ATP2B2: variants seen among roughly 807,000 people sequenced by gnomAD.
The protein encoded by ATP2B2 is plasma membrane calcium-transporting ATPase 2.
A neutral mutation model predicts 120.0 loss-of-function variants in ATP2B2; 15 were observed. The ratio of observed to expected loss-of-function variants is 0.12; its 90% CI spans 0.08 to 0.19. The LOEUF (loss-of-function observed/expected upper bound fraction) is 0.19. Among genes scored for constraint, ATP2B2 ranks in the 10% least tolerant of loss-of-function variants. The pLI, the probability that ATP2B2 is intolerant of heterozygous loss-of-function variation, is 1.00. For missense variants in ATP2B2, 1,045 were observed against 1,719.8 expected (o/e 0.61, Z 6.94); for synonymous variants, 694 against 700.3 (o/e 0.99, Z 0.14).
At chr3:10,653,393 G>T (rs1299410627) in intron 1 of ATP2B2, among the ~76,000 whole-genome samples, 3 of 152,152 alleles carry the variant, frequency 2.0e-5, no homozygotes, top group African/African-American at 7.2e-5. Flanking sequence ...AGAGTCCAAA[G>T]GACTCAACCA....
intron 1 of ATP2B2, among the ~76,000 whole-genome samples, chr3:10,636,027 G>A (rs980539174): frequency 1.2e-4 from 19 of 152,180 alleles, no homozygotes; most frequent in African/African-American, 4.1e-4. Context: ...TGGCAGCCTG[G>A]AGACCTCTTA....
chr3:10,616,051 C>T (rs1445605483), intron 2 of ATP2B2, among the ~76,000 whole-genome samples: 1 of 152,126 alleles, frequency 6.6e-6, no homozygotes, highest in Non-Finnish European at 1.5e-5. Context: ...TTTCCTTCCA[C>T]ACTTACCTCC....
At chr3:10,381,827 C>T (rs2061538529) in intron 8 of ATP2B2, among the ~76,000 whole-genome samples, 1 of 152,152 alleles carries the variant, frequency 6.6e-6, no homozygotes, top group Non-Finnish European at 1.5e-5. Flanking sequence ...CTGTGCATCA[C>T]AAAGGGCATG....
intron 1 of ATP2B2, among the ~76,000 whole-genome samples, chr3:10,695,251 G>GGAGGGGGAGA (rs60247955): frequency 0.042 from 5,328 of 126,718 alleles, 158 homozygotes; most frequent in Non-Finnish European, 0.048. Flanking sequence ...AGGGAGGGAG[G>GGAGGGGGAGA]GAGAGAGAGA....
At chr3:10,470,342 A>T (rs537553767) in intron 1 of ATP2B2, among the ~76,000 whole-genome samples, 2 of 152,184 alleles carry the variant, frequency 1.3e-5, no homozygotes, top group African/African-American at 4.8e-5. Flanking sequence ...GCTCAGAGAG[A>T]TTGAGCAACC....
At chr3:10,504,920 A>T (rs752557473) in intron 1 of ATP2B2, among the ~76,000 whole-genome samples, 3 of 152,048 alleles carry the variant, frequency 2.0e-5, no homozygotes, top group Non-Finnish European at 4.4e-5. Context: ...GGCTGGCCTG[A>T]CCCAATGAGT....
chr3:10,384,890 G>GCC (rs976831188), intron 8 of ATP2B2, among the ~76,000 whole-genome samples: 3 of 152,342 alleles, frequency 2.0e-5, no homozygotes, highest in African/African-American at 7.2e-5. Context: ...TTCAGCCCAA[G>GCC]CCCTGATCCC....
At chr3:10,707,410 G>A (rs2071912143) in intron 1 of ATP2B2, among the ~76,000 whole-genome samples, 1 of 152,184 alleles carries the variant, frequency 6.6e-6, no homozygotes. Context: ...ATCACGTTTG[G>A]GGAAGGGAGA....
chr3:10,435,324 G>A (rs1575214997), intron 2 of ATP2B2, among the ~76,000 whole-genome samples: 1 of 152,232 alleles, frequency 6.6e-6, no homozygotes, highest in East Asian at 1.9e-4. Flanking sequence ...GAGGAAGCAG[G>A]GGGGTCTGAG....
At chr3:10,453,889 C>T (rs1346073497) in intron 1 of ATP2B2, among the ~76,000 whole-genome samples, 1 of 151,460 alleles carries the variant, frequency 6.6e-6, no homozygotes, top group African/African-American at 2.4e-5. Flanking sequence ...TCCACCTGCC[C>T]ACTCACCCAC....
At chr3:10,486,389 C>T (rs1032477437) in intron 1 of ATP2B2, among the ~76,000 whole-genome samples, 1 of 150,984 alleles carries the variant, frequency 6.6e-6, no homozygotes, top group Admixed American at 6.6e-5. Flanking sequence ...GCTCCTATGT[C>T]AGGATCAGCC....
At chr3:10,667,428 C>T (rs1183962700) in intron 1 of ATP2B2, among the ~76,000 whole-genome samples, 2 of 152,088 alleles carry the variant, frequency 1.3e-5, no homozygotes, top group Non-Finnish European at 2.9e-5. Context: ...CATAAAAATC[C>T]CCCAGAAGCC....
intron 1 of ATP2B2, among the ~76,000 whole-genome samples, chr3:10,705,019 T>A (rs2071875273): frequency 6.6e-6 from 1 of 152,262 alleles, no homozygotes; most frequent in South Asian, 2.1e-4. Context: ...TTAGTGAAAC[T>A]GTTCTGCTGT....
At chr3:10,495,770 C>A (rs2066122192) in intron 1 of ATP2B2, among the ~76,000 whole-genome samples, 1 of 152,240 alleles carries the variant, frequency 6.6e-6, no homozygotes, top group Admixed American at 6.5e-5. Flanking sequence ...CTTCACCACA[C>A]TGACCCCATT....
In ATP2B2 at chr3:10,402,102, T is replaced by C; in HGVS notation, c.644A>G (p.Gln215Arg). Residue 215 changes from glutamine to arginine, a missense_variant, in exon 4 of 23, where the codon CAG (glutamine) becomes CGG (arginine). By Grantham distance (43) the Gln-to-Arg change is conservative (BLOSUM62 1). This residue lies in a region of ATP2B2 where 35 missense variants were observed against 29.9 expected (regional missense o/e 1.17). Coordinates refer to ENST00000360273, the MANE Select transcript of ATP2B2 (RefSeq NM_001001331.4). This position sits in a 1 kb window ranked among gnomAD's most constrained non-coding sequence, Gnocchi z 4.9. Reference sequence around the variant, plus strand: ...GCTGGGACACTTACCATATTTGACCTGGGCTATGTCCCCAACCACGATCTC... The same window carrying C: ...GCTGGGACACTTACCATATTTGACCCGGGCTATGTCCCCAACCACGATCTC... ...VAEIVVGDIA[Q>R]VKYGDLLPAD... 1 of 1,613,986 alleles carries C rather than the reference T, an allele frequency of 6.2e-7. No homozygotes were observed. Among genetic ancestry groups the C allele is most frequent in the Non-Finnish European group, 8.5e-7 (1 of 1,180,032 alleles).
rs949267921 is a variant in ATP2B2 at position 10,582,795 on chromosome 3, CAGAGGGAGAA to C, written c.-415+37112_-415+37121del. Among the ~76,000 whole-genome samples the C allele has an allele frequency of 3.9e-5, 6 of 152,156 alleles. No homozygotes were observed. In the East Asian group the frequency reaches 1.2e-3, roughly 29 times the overall value. On this transcript the variant is annotated intron_variant, in intron 2 of 21. Transcript: ENST00000646379. The stretch of plus-strand genomic sequence containing the variant: ...GGCTACCAGAGGACTGTCTGGGAGT[CAGAGGGAGAA>C]AGAGGCAGGTCAGACCACACAAGAC...
At chr3:10,463,955 C>T (rs1404201601) in intron 1 of ATP2B2, among the ~76,000 whole-genome samples, 1 of 152,182 alleles carries the variant, frequency 6.6e-6, no homozygotes. Context: ...TCAAACTCAT[C>T]CTCTGCGTCC....
intron 2 of ATP2B2, among the ~76,000 whole-genome samples, chr3:10,435,049 G>A (rs1400967344): frequency 6.6e-6 from 1 of 152,194 alleles, no homozygotes; most frequent in Non-Finnish European, 1.5e-5. Flanking sequence ...AAATGGTTAA[G>A]AGCACAAGGT....
In ATP2B2 at chr3:10,394,640, CCGG is replaced by C. The variant is rs1258420351; in HGVS notation, c.782-6241_782-6239del. On this transcript the variant is annotated intron_variant, in intron 5 of 22. Coordinates refer to ENST00000360273, the MANE Select transcript of ATP2B2 (RefSeq NM_001001331.4). ...GGAGACGGTGGCAGTGGTGGCAGGT[CCGG>C]CTCTCCCATGCCTGGCCTTCTGCTT... 2.6e-5 allele frequency: 11 copies of C among 426,798 alleles called. No individual in the cohort carries two copies. In the East Asian group the frequency reaches 7.3e-4, roughly 29 times the overall value. The allele number at this position is 426,798 out of a possible 1,614,324, so 26.4% of individuals were successfully genotyped here.
Sources: allele counts gnomAD v4.1 joint callset (sites outside exome capture counted in the v4.1 genomes callset), GRCh38; gene constraint gnomAD v4.1.1; regional missense constraint gnomAD v4.1.1; non-coding constraint Gnocchi (gnomAD v3.1); transcripts MANE v1.5; gene names NCBI Gene and HGNC (gene_info 2026-07-23, HGNC 2026-07-21).